Variants in EXOC6B observed in about 807,000 individuals in gnomAD.
EXOC6B encodes the protein SEC15 homolog B.
In EXOC6B, 54 loss-of-function variants were observed where a neutral mutation model predicts 113.5. The ratio of observed to expected loss-of-function variants is 0.48; its 90% CI spans 0.38 to 0.60. EXOC6B has a LOEUF of 0.60. EXOC6B is among the 20% of genes least tolerant of loss of function. The probability of loss-of-function intolerance (pLI) is 0.00; values close to 1 mark genes in which losing one functional copy is unlikely to be tolerated. For missense variants in EXOC6B, 797 were observed against 977.5 expected (o/e 0.82, Z 2.46); for synonymous variants, 357 against 339.0 (o/e 1.05, Z -0.58).
At chr2:72,388,690 A>G (rs1692199410) in intron 18 of EXOC6B, among the ~76,000 whole-genome samples, 1 of 152,164 alleles carries the variant, frequency 6.6e-6, no homozygotes, top group African/African-American at 2.4e-5. Context: ...TTGTCTATTC[A>G]TCTTTTCAGT....
At chr2:72,594,158 T>A (rs1484337938) in intron 6 of EXOC6B, among the ~76,000 whole-genome samples, 2 of 152,146 alleles carry the variant, frequency 1.3e-5, no homozygotes, top group Non-Finnish European at 2.9e-5. Context: ...TTTTTTTAAA[T>A]TTTTTACAGA....
intron 20 of EXOC6B, among the ~76,000 whole-genome samples, chr2:72,273,464 A>T (rs1684623393): frequency 6.6e-6 from 1 of 152,170 alleles, no homozygotes; most frequent in African/African-American, 2.4e-5. Flanking sequence ...ACAGTATAGT[A>T]TGATATGCTG....
intron 20 of EXOC6B, among the ~76,000 whole-genome samples, chr2:72,205,561 C>T (rs1048843114): frequency 6.6e-6 from 1 of 152,198 alleles, no homozygotes; most frequent in East Asian, 1.9e-4. Flanking sequence ...AGGTGATAGG[C>T]GCTGGCCAGC....
chr2:72,612,469 G>A (rs1195891659), intron 6 of EXOC6B, among the ~76,000 whole-genome samples: 3 of 151,794 alleles, frequency 2.0e-5, no homozygotes, highest in African/African-American at 4.8e-5. Flanking sequence ...TTCCAATCTT[G>A]CTAGAAGTGG....
At chr2:72,459,252 T>C (rs956122137) in intron 18 of EXOC6B, among the ~76,000 whole-genome samples, 2 of 152,198 alleles carry the variant, frequency 1.3e-5, no homozygotes, top group Admixed American at 6.5e-5. Context: ...AATATCATAC[T>C]GAATGGGCAA....
intron 18 of EXOC6B, among the ~76,000 whole-genome samples, chr2:72,395,287 G>A (rs537443200): frequency 6.6e-6 from 1 of 152,162 alleles, no homozygotes; most frequent in African/African-American, 2.4e-5. Context: ...AAAATACAAT[G>A]GTAGACGCCT....
intron 19 of EXOC6B, among the ~76,000 whole-genome samples, chr2:72,373,834 C>T (rs1325138463): frequency 3.9e-5 from 6 of 152,116 alleles, no homozygotes; most frequent in Admixed American, 3.9e-4. Context: ...ATTAGTATAA[C>T]CACTATGGAG....
intron 6 of EXOC6B, among the ~76,000 whole-genome samples, chr2:72,612,975 T>C (rs991258794): frequency 6.6e-6 from 1 of 152,332 alleles, no homozygotes; most frequent in South Asian, 2.1e-4. Flanking sequence ...TTGGGGTTTT[T>C]TTAAGCTACA....
At chr2:72,451,090 CTG>C (rs1696885894) in intron 18 of EXOC6B, among the ~76,000 whole-genome samples, 1 of 152,184 alleles carries the variant, frequency 6.6e-6, no homozygotes, top group Non-Finnish European at 1.5e-5. Flanking sequence ...AATAATCTCA[CTG>C]TATCTGTTTT....
In EXOC6B at chr2:72,307,161, G is replaced by GTTTTTGTTTTTTTTTTT. The variant is rs758906963; in HGVS notation, c.2196+27785_2196+27786insAAAAAAAAAAACAAAAA. Among the ~76,000 whole-genome samples, 50 of 128,492 alleles carry GTTTTTGTTTTTTTTTTT rather than the reference G, an allele frequency of 3.9e-4. 2 individuals are homozygous for GTTTTTGTTTTTTTTTTT. Among genetic ancestry groups the GTTTTTGTTTTTTTTTTT allele is most frequent in the African/African-American group, 1.4e-3 (37 of 26,200 alleles). The allele number at this position is 128,492 out of a possible 152,430, so 84.3% of individuals were successfully genotyped here. ...TCCATGACTGCAATGGTATAGTCCA[G>GTTTTTGTTTTTTTTTTT]TTTTTTTTTTTTTGAGACGGAGTCT... On this transcript the variant is annotated intron_variant, in intron 20 of 21. Transcript: ENST00000272427.
intron 6 of EXOC6B, among the ~76,000 whole-genome samples, chr2:72,614,730 A>T (rs1005893987): frequency 7.9e-5 from 12 of 152,330 alleles, no homozygotes; most frequent in Non-Finnish European, 1.6e-4. Flanking sequence ...AATGCTAATA[A>T]ACTACTGCAG....
intron 19 of EXOC6B, among the ~76,000 whole-genome samples, chr2:72,361,700 C>T (rs1173810371): frequency 6.6e-6 from 1 of 152,194 alleles, no homozygotes; most frequent in African/African-American, 2.4e-5. Flanking sequence ...GACAAAACCA[C>T]AAGCAAGCCT....
At chr2:72,427,131 G>A (rs1695241357) in intron 18 of EXOC6B, among the ~76,000 whole-genome samples, 1 of 152,240 alleles carries the variant, frequency 6.6e-6, no homozygotes, top group Non-Finnish European at 1.5e-5. Flanking sequence ...CCAGGGACAA[G>A]TGGGAGCCCC....
intron 18 of EXOC6B, among the ~76,000 whole-genome samples, chr2:72,449,049 G>C (rs1156925895): frequency 6.6e-6 from 1 of 152,158 alleles, no homozygotes; most frequent in African/African-American, 2.4e-5. Context: ...AAGCCTAAAA[G>C]AAAAATATAC....
chr2:72,665,416 A>G (rs1189137863), intron 6 of EXOC6B, among the ~76,000 whole-genome samples: 1 of 152,182 alleles, frequency 6.6e-6, no homozygotes, highest in Admixed American at 6.5e-5. Flanking sequence ...GCAAAGGTCA[A>G]TATAAAAGAA....
Position 72,233,727 on chromosome 2 carries a change from T to C in EXOC6B, c.2197-49540A>G, listed in dbSNP as rs181810939. On this transcript the variant is annotated intron_variant, in intron 20 of 21. Transcript: ENST00000272427. ...CACTAAGATTGTTCCACACCCTCAC[T>C]AAATGCGGCTTCACTCCAGCTTCTG... is the stretch of plus-strand genomic sequence containing the variant. Among the ~76,000 whole-genome samples the C allele has an allele frequency of 6.1e-4, 93 of 152,264 alleles. No individual in the cohort carries two copies. In the East Asian group the frequency reaches 6.8e-3, roughly 11 times the overall value.
chr2:72,586,862 G>A (rs1314392379), intron 6 of EXOC6B, among the ~76,000 whole-genome samples: 7 of 151,674 alleles, frequency 4.6e-5, no homozygotes, highest in Admixed American at 2.0e-4. Context: ...CCACAATGAG[G>A]TACCATCTCA....
At chr2:72,181,044 C>T (rs992759899) in intron 21 of EXOC6B, among the ~76,000 whole-genome samples, 1 of 151,920 alleles carries the variant, frequency 6.6e-6, no homozygotes, top group African/African-American at 2.4e-5. Context: ...CCCATCTCTA[C>T]TAAAAATCCA....
At chr2:72,458,365 C>A (rs751670483) in intron 18 of EXOC6B, among the ~76,000 whole-genome samples, 4 of 152,070 alleles carry the variant, frequency 2.6e-5, no homozygotes, top group Non-Finnish European at 5.9e-5. Context: ...GGAAGATAAA[C>A]ACAAATGTTA....
Sources: gnomAD v4.1 joint callset for allele counts (sites outside exome capture counted in the v4.1 genomes callset) on GRCh38, gnomAD v4.1.1 for gene constraint, MANE v1.5 for transcripts, NCBI Gene and HGNC (gene_info 2026-07-23, HGNC 2026-07-21) for gene names.